The following ARHGAP35 variants were observed in gnomAD, a reference collection of about 807,000 sequenced individuals.
ARHGAP35 encodes rho GTPase-activating protein 35.
ARHGAP35 carries 15 observed loss-of-function variants against 111.1 expected under a neutral mutation model. The ratio of observed to expected loss-of-function variants is 0.13; its 90% CI spans 0.09 to 0.21. The LOEUF (loss-of-function observed/expected upper bound fraction) is 0.21. Among genes scored for constraint, ARHGAP35 ranks in the 10% least tolerant of loss-of-function variants. ARHGAP35 has a pLI of 1.00. For synonymous variants in ARHGAP35, 643 were observed against 710.3 expected (o/e 0.91, Z 1.51); for missense variants, 1,262 against 1,873.0 (o/e 0.67, Z 6.02).
At chr19:46,955,761 C>G (rs1304196071) in intron 3 of ARHGAP35, among the ~76,000 whole-genome samples, 1 of 152,098 alleles carries the variant, frequency 6.6e-6, no homozygotes, top group Non-Finnish European at 1.5e-5. Flanking sequence ...CAGAGCAACC[C>G]TTTAAACCAT....
chr19:46,881,090 G>T (rs929274985), intron 1 of ARHGAP35, among the ~76,000 whole-genome samples: 2 of 151,816 alleles, frequency 1.3e-5, no homozygotes, highest in South Asian at 4.2e-4. Flanking sequence ...GATTACAGGC[G>T]CATGCCACCA....
At chr19:46,924,648 C>T (rs775194766) in intron 2 of ARHGAP35, among the ~76,000 whole-genome samples, 1 of 152,202 alleles carries the variant, frequency 6.6e-6, no homozygotes, top group Non-Finnish European at 1.5e-5. Context: ...GACTTGCCTC[C>T]GGTATTTTCC....
intron 1 of ARHGAP35, among the ~76,000 whole-genome samples, chr19:46,907,181 T>C (rs1430170822): frequency 6.6e-6 from 1 of 152,256 alleles, no homozygotes; most frequent in Non-Finnish European, 1.5e-5. Context: ...GGAGTCTCGT[T>C]CTGTCGCCAG....
Position 47,001,028 on chromosome 19 carries a change from T to G in ARHGAP35, c.*340T>G. Reference sequence around the variant, plus strand: ...CCTCCCTCTGCTTGTACAGAGCCCATGGTCGGGACAGTGCCCTGGCCTTTG... The same window carrying G: ...CCTCCCTCTGCTTGTACAGAGCCCAGGGTCGGGACAGTGCCCTGGCCTTTG... On this transcript the variant is annotated 3_prime_UTR_variant, in exon 7 of 7. Transcript: ENST00000672722. This position sits in a 1 kb window ranked among gnomAD's most constrained non-coding sequence, Gnocchi z 5.4. 1 of 1,417,598 alleles carries G rather than the reference T, an allele frequency of 7.1e-7. No homozygotes were observed. 87.8% of individuals were successfully genotyped at this position (1,417,598 alleles called of 1,614,324 possible).
rs1466822666 is a variant in ARHGAP35 at position 46,988,333 on chromosome 19, G to A, written c.3904+267G>A. On this transcript the variant is annotated intron_variant, in intron 4 of 6. Coordinates refer to ENST00000672722, the MANE Select transcript of ARHGAP35 (RefSeq NM_004491.5). The surrounding 1 kb of genome is among the most constrained non-coding windows in gnomAD (Gnocchi z 5.4). ...CCACTCACAGATGCTCTTCCAGGTT[G>A]CCCGGGCACATGCCTCCCTCACCAC... The A allele has an allele frequency of 1.1e-5, 5 of 446,566 alleles. No individual in the cohort carries two copies. The highest frequency in any genetic ancestry group is 2.1e-5 in the Non-Finnish European group (5 of 240,318). 27.7% of individuals were successfully genotyped at this position (446,566 alleles called of 1,614,324 possible).
intron 2 of ARHGAP35, 63 bp from the exon 3 acceptor site, chr19:46,937,201 A>G (rs1424807145): frequency 6.3e-7 from 1 of 1,586,914 alleles, no homozygotes; most frequent in Non-Finnish European, 8.6e-7. Context: ...AGCCTTACTG[A>G]TGTTTAAGTT....
chr19:46,950,316 C>A (rs1336820181), intron 3 of ARHGAP35, among the ~76,000 whole-genome samples: 1 of 152,156 alleles, frequency 6.6e-6, no homozygotes, highest in African/African-American at 2.4e-5. Flanking sequence ...TTCTTTCTTT[C>A]TTCCACTCTT....
In ARHGAP35 at chr19:46,989,180, C is replaced by T. The variant is rs1298227175; in HGVS notation, c.3905-364C>T. 2 of 187,576 alleles carry T rather than the reference C, an allele frequency of 1.1e-5. No individual in the cohort carries two copies. The allele number at this position is 187,576 out of a possible 1,614,324, so 11.6% of individuals were successfully genotyped here. On this transcript the variant is annotated intron_variant, in intron 4 of 6. Coordinates refer to ENST00000672722, the MANE Select transcript of ARHGAP35 (RefSeq NM_004491.5). This position sits in a 1 kb window ranked among gnomAD's most constrained non-coding sequence, Gnocchi z 5.3. ...TGTGACCTACCTGGAAAGCGAGCCA[C>T]CCTTTAGGAAAGCCGCCTCCTTCTT...
chr19:46,884,315 G>A (rs1417214351), intron 1 of ARHGAP35, among the ~76,000 whole-genome samples: 1 of 151,780 alleles, frequency 6.6e-6, no homozygotes, highest in Non-Finnish European at 1.5e-5. Context: ...CAACAAAAAG[G>A]ATCTAACTTC....
At chr19:46,928,425 C>T (rs1341830475) in intron 2 of ARHGAP35, among the ~76,000 whole-genome samples, 2 of 152,168 alleles carry the variant, frequency 1.3e-5, no homozygotes, top group African/African-American at 2.4e-5. Context: ...GGATTTTCTA[C>T]AGCATTTGAG....
intron 1 of ARHGAP35, among the ~76,000 whole-genome samples, chr19:46,890,993 A>G (rs2056020907): frequency 6.6e-6 from 1 of 152,174 alleles, no homozygotes; most frequent in Non-Finnish European, 1.5e-5. Context: ...GCTGTCTCCC[A>G]GTAGTCAGTA....
chr19:46,953,803 G>A (rs993314282), intron 3 of ARHGAP35, among the ~76,000 whole-genome samples: 5 of 152,118 alleles, frequency 3.3e-5, no homozygotes, highest in South Asian at 2.1e-4. Context: ...GTCACTTCCC[G>A]TCCAACCCTG....
chr19:46,986,717 A>G lies in ARHGAP35; in HGVS notation c.3827-1272A>G, dbSNP rs757412493. 2.0e-5 allele frequency among the ~76,000 whole-genome samples: 3 copies of G among 152,266 alleles called. No individual in the cohort carries two copies. Among genetic ancestry groups the G allele is most frequent in the Non-Finnish European group, 4.4e-5 (3 of 68,054 alleles). On this transcript the variant is annotated intron_variant, in intron 3 of 6. Coordinates refer to ENST00000672722, the MANE Select transcript of ARHGAP35 (RefSeq NM_004491.5). The surrounding 1 kb of genome is among the most constrained non-coding windows in gnomAD (Gnocchi z 4.3). ...AAGTTCAAAATAAGAACACTAGGAA[A>G]ATTAACAAGAACATGAATACGATAT...
At chr19:46,953,148 C>A (rs2122250527) in intron 3 of ARHGAP35, among the ~76,000 whole-genome samples, 1 of 152,242 alleles carries the variant, frequency 6.6e-6, no homozygotes, top group Middle Eastern at 3.4e-3. Flanking sequence ...AGCATTGGAC[C>A]AGACAGACAA....
chr19:46,919,611 A>G lies in ARHGAP35; in HGVS notation c.936A>G (p.Glu312=), dbSNP rs762213167. The G allele has an allele frequency of 6.8e-6, 11 of 1,613,860 alleles. No individual in the cohort carries two copies. Among genetic ancestry groups the G allele is most frequent in the Non-Finnish European group, 9.3e-6 (11 of 1,179,884 alleles). Residue 312 remains glutamate, a synonymous_variant, in exon 2 of 7, where the codon GAA becomes GAG. Coordinates refer to ENST00000672722, the MANE Select transcript of ARHGAP35 (RefSeq NM_004491.5). The surrounding 1 kb of genome is among the most constrained non-coding windows in gnomAD (Gnocchi z 6.2). ...SPEYQDYVYL[E]GTQKAKKLFL... is the part of the protein sequence containing the mutation. ...AATACCAGGACTATGTCTACCTGGA[A>G]GGGACTCAGAAAGCCAAGAAGCTGT...
chr19:46,966,738 A>G (rs1351564480), intron 3 of ARHGAP35, among the ~76,000 whole-genome samples: 1 of 152,188 alleles, frequency 6.6e-6, no homozygotes, highest in African/African-American at 2.4e-5. Context: ...TTTCTGGCCT[A>G]TCAAGTACAA....
intron 3 of ARHGAP35, among the ~76,000 whole-genome samples, chr19:46,976,137 T>C (rs1419275839): frequency 1.3e-5 from 2 of 150,864 alleles, no homozygotes; most frequent in African/African-American, 4.9e-5. Context: ...TCTCTCTCCC[T>C]CCCCCTGTAA....
intron 1 of ARHGAP35, among the ~76,000 whole-genome samples, chr19:46,862,640 C>A (rs1173199776): frequency 1.1e-4 from 17 of 152,170 alleles, no homozygotes; most frequent in African/African-American, 3.4e-4. Context: ...CCCAGCTCGG[C>A]TCCTTCGGAG....
At chr19:46,879,279 AC>A (rs536073949) in intron 1 of ARHGAP35, among the ~76,000 whole-genome samples, 43 of 152,100 alleles carry the variant, frequency 2.8e-4, no homozygotes, top group Middle Eastern at 6.8e-3. Context: ...ACATGGAGAA[AC>A]CGTGTCTCTA....
Sources: gnomAD v4.1 joint callset for allele counts (sites outside exome capture counted in the v4.1 genomes callset) on GRCh38, gnomAD v4.1.1 for gene constraint, Gnocchi (gnomAD v3.1) non-coding constraint, MANE v1.5 for transcripts, NCBI Gene and HGNC (gene_info 2026-07-23, HGNC 2026-07-21) for gene names.